Variants in TULP4 observed in about 807,000 individuals in gnomAD.
TULP4 encodes tubby-related protein 4.
Under a neutral mutation model 129.0 loss-of-function variants are expected in TULP4, and 16 were observed. That is an observed-to-expected ratio of 0.12 (90% CI 0.08 to 0.19). TULP4 has a LOEUF of 0.19. Among genes scored for constraint, TULP4 ranks in the 10% least tolerant of loss-of-function variants. The probability of loss-of-function intolerance (pLI) is 1.00; values close to 1 mark genes in which losing one functional copy is unlikely to be tolerated. For synonymous variants in TULP4, 998 were observed against 854.0 expected (o/e 1.17, Z -2.94); for missense variants, 1,842 against 2,059.1 (o/e 0.89, Z 2.04).
chr6:158,321,424 C>A (rs1048241364), intron 1 of TULP4, among the ~76,000 whole-genome samples: 10 of 152,138 alleles, frequency 6.6e-5, no homozygotes, highest in African/African-American at 2.4e-4. Flanking sequence ...TCTCTGTCTG[C>A]CATCTCCTTC....
At chr6:158,341,927 C>T (rs1016918849) in intron 1 of TULP4, among the ~76,000 whole-genome samples, 7 of 152,058 alleles carry the variant, frequency 4.6e-5, no homozygotes, top group Non-Finnish European at 7.4e-5. Context: ...TGTGATTCCC[C>T]GCCGCCTCTG....
At chr6:158,476,351 T>A (rs1779820163) in intron 6 of TULP4, among the ~76,000 whole-genome samples, 1 of 152,208 alleles carries the variant, frequency 6.6e-6, no homozygotes, top group Admixed American at 6.5e-5. Context: ...CCTGGTAACG[T>A]TGCCCTAGAT....
At chr6:158,441,218 G>T (rs1023475015) in intron 3 of TULP4, among the ~76,000 whole-genome samples, 1 of 152,122 alleles carries the variant, frequency 6.6e-6, no homozygotes, top group Non-Finnish European at 1.5e-5. Flanking sequence ...GGAGGCTGAG[G>T]TAGGAGAATT....
Position 158,452,168 on chromosome 6 carries a change from C to G in TULP4, c.759C>G (p.Asn253Lys), listed in dbSNP as rs990955663. The change falls in exon 5 of 14, where the codon AAC (asparagine) becomes AAG (lysine). Residue 253 changes from asparagine (N) to lysine (K), a missense_variant. By Grantham distance (94) the Asn-to-Lys change is moderately conservative. This residue lies in a region of TULP4 where 456 missense variants were observed against 534.3 expected (regional missense o/e 0.85). Transcript: ENST00000367097. ...GPAAYPIPVQ[N>K]IKPLLTVSFT... ...CAGCATATCCCATCCCAGTGCAGAA[C>G]ATCAAGCCTCTGCTCACCGTCAGCT... The G allele has an allele frequency of 6.2e-7, 1 of 1,614,218 alleles. No individual in the cohort carries two copies. The highest frequency in any genetic ancestry group is 8.5e-7 in the Non-Finnish European group (1 of 1,180,036).
At chr6:158,308,751 CG>C (rs1562513705), upstream of TULP4, among the ~76,000 whole-genome samples, 3 of 136,130 alleles carry the variant, frequency 2.2e-5, no homozygotes, top group African/African-American at 5.7e-5. Flanking sequence ...GCTGGCCGGG[CG>C]GGGGGCTGAC....
At chr6:158,472,461 C>G (rs533549571) in intron 6 of TULP4, among the ~76,000 whole-genome samples, 1 of 151,956 alleles carries the variant, frequency 6.6e-6, no homozygotes, top group Admixed American at 6.5e-5. Flanking sequence ...TTGAAAAAAT[C>G]GCCTCAATAA....
chr6:158,353,673 AACAGAT>A (rs1307997674), intron 1 of TULP4, among the ~76,000 whole-genome samples: 4 of 152,232 alleles, frequency 2.6e-5, no homozygotes, highest in Admixed American at 2.0e-4. Flanking sequence ...TTTGTGGAGA[AACAGAT>A]ACAGAGTCTG....
chr6:158,491,001 TTG>T (rs1780187178), intron 9 of TULP4, among the ~76,000 whole-genome samples: 1 of 152,244 alleles, frequency 6.6e-6, no homozygotes, highest in Non-Finnish European at 1.5e-5. Flanking sequence ...ACAAGTCTTT[TTG>T]TGGACATGTG....
At chr6:158,463,304 T>G (rs1190939670) in intron 6 of TULP4, among the ~76,000 whole-genome samples, 1 of 152,206 alleles carries the variant, frequency 6.6e-6, no homozygotes, top group Non-Finnish European at 1.5e-5. Context: ...TATACACAGA[T>G]GGGCCCCCTT....
At chr6:158,309,907 A>G (rs1296590907), upstream of TULP4, among the ~76,000 whole-genome samples, 7 of 105,612 alleles carry the variant, frequency 6.6e-5, no homozygotes, top group East Asian at 3.1e-4. Flanking sequence ...GACCGTGGGG[A>G]GAGGGAGAGG....
chr6:158,465,532 A>G (rs637326), intron 6 of TULP4, among the ~76,000 whole-genome samples: 63,531 of 152,064 alleles, frequency 0.42, 14,580 homozygotes, highest in African/African-American at 0.62. Flanking sequence ...TTGCTGGATC[A>G]TATGGTAATT....
At chr6:158,263,839 G>T (rs1330411399) in intron 1 of TULP4, among the ~76,000 whole-genome samples, 1 of 152,064 alleles carries the variant, frequency 6.6e-6, no homozygotes, top group African/African-American at 2.4e-5. Flanking sequence ...TAGGCGGGCG[G>T]ATCACCTGAG....
Position 158,413,864 on chromosome 6 carries a change from C to T in TULP4, c.381+671C>T, listed in dbSNP as rs547566880. On this transcript the variant is annotated intron_variant, in intron 2 of 13. Transcript: ENST00000367097. The surrounding 1 kb of genome is among the most constrained non-coding windows in gnomAD (Gnocchi z 4.9). ...GGCAGCTCCCATCCTGGGGATTGTA[C>T]AAAACTGGGACTTAAGAACCTGAAT... 6.6e-6 allele frequency among the ~76,000 whole-genome samples: 1 copy of T among 152,312 alleles called. No homozygotes were observed. Among genetic ancestry groups the T allele is most frequent in the Non-Finnish European group, 1.5e-5 (1 of 68,010 alleles).
chr6:158,275,494 T>C lies in TULP4; in HGVS notation n.69-36557T>C, dbSNP rs185765152. Among the ~76,000 whole-genome samples the C allele has an allele frequency of 4.2e-3, 642 of 152,296 alleles. 2 individuals are homozygous for C. The highest frequency in any genetic ancestry group is 4.9e-3 in the Non-Finnish European group (334 of 68,024). On this transcript the variant is annotated intron_variant and non_coding_transcript_variant, in intron 1 of 1. Coordinates refer to the TULP4 transcript ENST00000620026. ...TATTCTCCTGGCACTGATTTGCAAA[T>C]TGAGCAACAAGTCTAGCCGTCTGGA...
At chr6:158,390,512 C>T (rs773613271) in intron 1 of TULP4, among the ~76,000 whole-genome samples, 4 of 151,924 alleles carry the variant, frequency 2.6e-5, no homozygotes, top group Non-Finnish European at 4.4e-5. Flanking sequence ...AACTGGATTC[C>T]AATTTGTAAC....
At chr6:158,268,150 C>T (rs553442075) in intron 1 of TULP4, among the ~76,000 whole-genome samples, 182 of 151,564 alleles carry the variant, frequency 1.2e-3, no homozygotes, top group African/African-American at 3.7e-3. Flanking sequence ...ATTCTTCTGC[C>T]CCAGCCTCCC....
At chr6:158,232,213 CG>C (rs1164500628), upstream of TULP4, 2 of 147,944 alleles carry the variant, frequency 1.4e-5, no homozygotes, top group African/African-American at 2.5e-5. Flanking sequence ...GGCCGAGACG[CG>C]GGGGGAGGCG....
rs9364951 is a variant in TULP4, at chr6:158,314,055, C to T, written c.39C>T (p.Ser13=). ...TGGAACATGGGCCTGTGCTTTGCAG[C>T]GATTCCAACATCCTGTGCCTGTCCT... is the stretch of plus-strand genomic sequence containing the variant. ...AAVEHGPVLC[S]DSNILCLSWK... is the part of the protein sequence containing the mutation. The change falls in exon 1 of 14, where the codon AGC becomes AGT. Residue 13 remains serine (S), a synonymous_variant. Transcript: ENST00000367097. The T allele has an allele frequency of 0.9, 1,449,790 of 1,613,548 alleles. 652,586 individuals carry two copies. Among genetic ancestry groups the T allele is most frequent in the Admixed American group, 0.93 (56,006 of 60,000 alleles).
At chr6:158,264,003 C>G (rs1460731606) in intron 1 of TULP4, among the ~76,000 whole-genome samples, 1 of 152,048 alleles carries the variant, frequency 6.6e-6, no homozygotes, top group Non-Finnish European at 1.5e-5. Context: ...GCAGAGCTTG[C>G]AGTGAGCCAA....
Sources: gnomAD v4.1 joint callset for allele counts (sites outside exome capture counted in the v4.1 genomes callset) on GRCh38, gnomAD v4.1.1 for gene constraint, gnomAD v4.1.1 regional missense constraint, Gnocchi (gnomAD v3.1) non-coding constraint, MANE v1.5 for transcripts, NCBI Gene and HGNC (gene_info 2026-07-23, HGNC 2026-07-21) for gene names.